The following PGAP4 variants were observed in gnomAD, a reference collection of about 807,000 sequenced individuals.
PGAP4 encodes the protein GPI-N-acetylgalactosamine transferase PGAP4.
In PGAP4, 12 loss-of-function variants were observed where a neutral mutation model predicts 28.2. The observed-to-expected ratio is 0.42, with a 90% CI of 0.27 to 0.69. The LOEUF (loss-of-function observed/expected upper bound fraction) is 0.69, where lower values mean the gene tolerates loss of function less well. Among genes scored for constraint, PGAP4 ranks in the 30% least tolerant of loss-of-function variants. PGAP4 has a pLI of 0.22. For missense variants in PGAP4, 425 were observed against 513.5 expected (o/e 0.83, Z 1.67); for synonymous variants, 205 against 211.8 (o/e 0.97, Z 0.28).
chr9:101,491,673 C>T (rs2118573708), upstream of PGAP4, among the ~76,000 whole-genome samples: 1 of 150,572 alleles, frequency 6.6e-6, no homozygotes, highest in South Asian at 2.1e-4. Context: ...ATATTTGGGG[C>T]TTCTCTAGGT....
At chr9:101,490,826 A>C (rs537740550), upstream of PGAP4, among the ~76,000 whole-genome samples, 57 of 152,314 alleles carry the variant, frequency 3.7e-4, no homozygotes, top group South Asian at 0.011. Context: ...TGGAAGAAAA[A>C]AATATCTCTG....
intron 2 of PGAP4, among the ~76,000 whole-genome samples, chr9:101,510,405 CT>C (rs1336339304): frequency 2.0e-5 from 3 of 151,662 alleles, no homozygotes; most frequent in Non-Finnish European, 2.9e-5. Flanking sequence ...TTTTGAAAAA[CT>C]GCAGAGGCTT....
At chr9:101,525,253 A>G (rs771364625) in intron 2 of PGAP4, among the ~76,000 whole-genome samples, 1 of 152,194 alleles carries the variant, frequency 6.6e-6, no homozygotes, top group Non-Finnish European at 1.5e-5. Context: ...TAGTTTACAT[A>G]TTAAACCCCC....
chr9:101,491,700 A>G (rs570618056), upstream of PGAP4, among the ~76,000 whole-genome samples: 410 of 150,044 alleles, frequency 2.7e-3, 4 homozygotes, highest in African/African-American at 9.4e-3. Flanking sequence ...ATTGATTTCT[A>G]ATTTTATTCT....
At chr9:101,498,197 T>C (rs1279869650) in intron 2 of PGAP4, among the ~76,000 whole-genome samples, 2 of 151,880 alleles carry the variant, frequency 1.3e-5, no homozygotes, top group Non-Finnish European at 2.9e-5. Context: ...CTAGCTGAAT[T>C]GTATGAGAAA....
chr9:101,480,363 G>GTTGT (rs113071012), intron 1 of PGAP4, among the ~76,000 whole-genome samples: 42,759 of 151,480 alleles, frequency 0.28, 6,282 homozygotes, highest in East Asian at 0.48. Context: ...TGTTGTTGTT[G>GTTGT]TTGTTTGTTT....
At chr9:101,513,799 A>G (rs1826919387) in intron 2 of PGAP4, among the ~76,000 whole-genome samples, 1 of 152,066 alleles carries the variant, frequency 6.6e-6, no homozygotes, top group African/African-American at 2.4e-5. Flanking sequence ...CTGGGATGGC[A>G]ATATTGTGGC....
intron 2 of PGAP4, among the ~76,000 whole-genome samples, chr9:101,499,361 A>G (rs1245135073): frequency 6.6e-6 from 1 of 151,908 alleles, no homozygotes; most frequent in East Asian, 1.9e-4. Context: ...TTCACATCCC[A>G]CTTCTGATAT....
chr9:101,495,056 T>G (rs1018777596), intron 2 of PGAP4, among the ~76,000 whole-genome samples: 2 of 137,252 alleles, frequency 1.5e-5, no homozygotes, highest in African/African-American at 5.4e-5. Flanking sequence ...TAAATGTAAC[T>G]GAAAGAAGAT....
At chr9:101,484,552 A>T (rs1360813516) in intron 1 of PGAP4, among the ~76,000 whole-genome samples, 1 of 152,088 alleles carries the variant, frequency 6.6e-6, no homozygotes, top group Non-Finnish European at 1.5e-5. Flanking sequence ...TTGGAAGGTA[A>T]TCAGGTCATA....
At chr9:101,478,238 G>T (rs998283811) in intron 1 of PGAP4, among the ~76,000 whole-genome samples, 5 of 152,152 alleles carry the variant, frequency 3.3e-5, no homozygotes, top group African/African-American at 1.2e-4. Flanking sequence ...TATTTTAGAA[G>T]TAAGCAGGTC....
At chr9:101,480,166 G>A (rs773198330) in intron 1 of PGAP4, among the ~76,000 whole-genome samples, 1 of 152,034 alleles carries the variant, frequency 6.6e-6, no homozygotes, top group Non-Finnish European at 1.5e-5. Flanking sequence ...CTTAAGACCC[G>A]GCCCCCAACC....
upstream of PGAP4, among the ~76,000 whole-genome samples, chr9:101,487,985 C>G (rs1256544548): frequency 6.6e-6 from 1 of 152,178 alleles, no homozygotes; most frequent in African/African-American, 2.4e-5. Flanking sequence ...AACACCTGCT[C>G]TAAAAGGTCT....
intron 2 of PGAP4, among the ~76,000 whole-genome samples, chr9:101,501,187 A>G (rs1345930036): frequency 6.6e-6 from 1 of 152,086 alleles, no homozygotes; most frequent in African/African-American, 2.4e-5. Flanking sequence ...TTTTGCACAT[A>G]CACATCTGAC....
intron 2 of PGAP4, among the ~76,000 whole-genome samples, chr9:101,521,292 C>T (rs1426340776): frequency 2.0e-5 from 3 of 152,020 alleles, no homozygotes; most frequent in Non-Finnish European, 4.4e-5. Context: ...AGGATTGGTG[C>T]CAATTCTTTG....
intron 2 of PGAP4, among the ~76,000 whole-genome samples, chr9:101,523,924 G>T (rs1827010465): frequency 6.6e-6 from 1 of 151,756 alleles, no homozygotes; most frequent in African/African-American, 2.4e-5. Context: ...GTCTCATGGG[G>T]TGTTCCCTTG....
intron 2 of PGAP4, among the ~76,000 whole-genome samples, chr9:101,496,835 G>A (rs891548198): frequency 6.7e-6 from 1 of 149,980 alleles, no homozygotes; most frequent in African/African-American, 2.4e-5. Flanking sequence ...TGAATTTATT[G>A]GTTTGTTTTT....
intron 2 of PGAP4, among the ~76,000 whole-genome samples, chr9:101,509,155 G>A (rs1184994759): frequency 1.3e-5 from 2 of 152,174 alleles, no homozygotes; most frequent in African/African-American, 4.8e-5. Flanking sequence ...GGGGTCTTTT[G>A]TGGTTGGGAA....
chr9:101,476,002 A>G lies in PGAP4; in HGVS notation c.1091T>C (p.Met364Thr). 1 of 1,614,158 alleles carries G rather than the reference A, an allele frequency of 6.2e-7. No individual in the cohort carries two copies. The highest frequency in any genetic ancestry group is 8.5e-7 in the Non-Finnish European group (1 of 1,180,030). The change falls in exon 2 of 2, where the codon ATG becomes ACG. Residue 364 changes from methionine (M) to threonine (T), a missense_variant. Coordinates refer to ENST00000374848, the MANE Select transcript of PGAP4 (RefSeq NM_032342.3). This position sits in a 1 kb window ranked among gnomAD's most constrained non-coding sequence, Gnocchi z 7.0. ...GGCCCTCAACAGCGAGTACAGTGCC[A>G]TGTCCTTGCCAAAGCCCTTGTGGCA... ...VYCHKGFGKD[M>T]ALYSLLRAKG...
Sources: gnomAD v4.1 joint callset for allele counts (sites outside exome capture counted in the v4.1 genomes callset) on GRCh38, gnomAD v4.1.1 for gene constraint, Gnocchi (gnomAD v3.1) non-coding constraint, MANE v1.5 for transcripts, NCBI Gene and HGNC (gene_info 2026-07-23, HGNC 2026-07-21) for gene names.